The following ALK variants were observed in gnomAD, a reference collection of about 807,000 sequenced individuals.
The protein encoded by ALK is ALK receptor tyrosine kinase.
ALK carries 74 observed loss-of-function variants against 163.1 expected under a neutral mutation model. The observed-to-expected ratio is 0.45, with a 90% confidence interval of 0.38 to 0.55. The LOEUF (loss-of-function observed/expected upper bound fraction) is 0.55, where lower values mean the gene tolerates loss of function less well. Ranked by LOEUF, ALK falls within the 20% of genes least tolerant of loss-of-function variation. The probability of loss-of-function intolerance (pLI) is 0.00; values close to 1 mark genes in which losing one functional copy is unlikely to be tolerated. For missense variants in ALK, 2,063 were observed against 2,105.3 expected (o/e 0.98, Z 0.39); for synonymous variants, 960 against 843.2 (o/e 1.14, Z -2.40).
At chr2:29,405,686 G>C (rs1046006830) in intron 4 of ALK, among the ~76,000 whole-genome samples, 26 of 152,188 alleles carry the variant, frequency 1.7e-4, no homozygotes, top group Non-Finnish European at 2.9e-5. Flanking sequence ...ACCACACTGG[G>C]AGAGGCAGAG....
At chr2:29,669,351 A>T (rs1677614090) in intron 3 of ALK, among the ~76,000 whole-genome samples, 1 of 151,956 alleles carries the variant, frequency 6.6e-6, no homozygotes, top group South Asian at 2.1e-4. Context: ...TTATATAGTA[A>T]GTTATTTGTC....
intron 3 of ALK, among the ~76,000 whole-genome samples, chr2:29,562,431 T>C (rs910542476): frequency 6.6e-6 from 1 of 152,228 alleles, no homozygotes; most frequent in Admixed American, 6.5e-5. Context: ...TCCAGGCCTG[T>C]AACCATCTCT....
chr2:29,745,472 G>A (rs1378709135), intron 1 of ALK, among the ~76,000 whole-genome samples: 1 of 152,172 alleles, frequency 6.6e-6, no homozygotes, highest in South Asian at 2.1e-4. Context: ...TTCCCTCCCA[G>A]TTGCTGGCAA....
chr2:29,909,733 T>C (rs149658469), intron 1 of ALK, among the ~76,000 whole-genome samples: 5 of 152,284 alleles, frequency 3.3e-5, no homozygotes, highest in African/African-American at 9.6e-5. Flanking sequence ...AGAGACCTCA[T>C]TGAATACCTT....
intron 1 of ALK, among the ~76,000 whole-genome samples, chr2:29,897,449 A>G (rs1235364402): frequency 1.3e-5 from 2 of 152,224 alleles, no homozygotes; most frequent in Admixed American, 1.3e-4. Flanking sequence ...TTTAAAAACA[A>G]TTGTAAAGAG....
intron 4 of ALK, among the ~76,000 whole-genome samples, chr2:29,401,944 C>T (rs908641302): frequency 1.3e-5 from 2 of 152,178 alleles, no homozygotes; most frequent in South Asian, 2.1e-4. Context: ...GATTTTAATA[C>T]TAAGAAGTAG....
rs528481486 is a variant in ALK at position 29,422,105 on chromosome 2, T to G, written c.1155-38246A>C. Among the ~76,000 whole-genome samples, 5 of 151,586 alleles carry G rather than the reference T, an allele frequency of 3.3e-5. No individual in the cohort carries two copies. In the South Asian group the frequency reaches 1.0e-3, roughly 31 times the overall value. On this transcript the variant is annotated intron_variant, in intron 4 of 28. Transcript: ENST00000389048. ...GAGGGGAGGCAAAGGAATCAGAGTC[T>G]GAAGACCAAAGCCAGGTAGTCTTTT...
chr2:29,295,053 C>T (rs767132374), intron 9 of ALK, among the ~76,000 whole-genome samples: 2 of 152,138 alleles, frequency 1.3e-5, no homozygotes, highest in African/African-American at 2.4e-5. Flanking sequence ...AGGCTCCCAG[C>T]GAATGGAAGC....
chr2:29,422,568 T>C (rs1670040461), intron 4 of ALK, among the ~76,000 whole-genome samples: 1 of 152,254 alleles, frequency 6.6e-6, no homozygotes, highest in East Asian at 1.9e-4. Flanking sequence ...TCTGACTCTC[T>C]ATTTTCTGTC....
At chr2:29,652,245 C>G (rs992782284) in intron 3 of ALK, among the ~76,000 whole-genome samples, 1 of 151,952 alleles carries the variant, frequency 6.6e-6, no homozygotes, top group African/African-American at 2.4e-5. Context: ...TCATAACTCC[C>G]CAGGCATTAT....
chr2:29,200,298 G>C (rs1669124954), intron 26 of ALK, among the ~76,000 whole-genome samples: 1 of 152,154 alleles, frequency 6.6e-6, no homozygotes, highest in African/African-American at 2.4e-5. Context: ...TTTCTAGATA[G>C]ATATAGGTTA....
intron 2 of ALK, among the ~76,000 whole-genome samples, chr2:29,701,673 A>G (rs891783569): frequency 6.6e-6 from 1 of 152,130 alleles, no homozygotes; most frequent in Non-Finnish European, 1.5e-5. Context: ...ACTTCTGTGA[A>G]GGCGTGTGGG....
chr2:29,499,000 C>A (rs919046613), intron 4 of ALK, among the ~76,000 whole-genome samples: 2 of 152,158 alleles, frequency 1.3e-5, no homozygotes, highest in African/African-American at 4.8e-5. Flanking sequence ...AACTTCTCCT[C>A]CCCATCAAAA....
At chr2:29,528,259 CCTT>C (rs1204167080) in intron 4 of ALK, among the ~76,000 whole-genome samples, 15 of 152,134 alleles carry the variant, frequency 9.9e-5, no homozygotes, top group African/African-American at 3.6e-4. Flanking sequence ...CACGAGGTGG[CCTT>C]CTGGGTAGGA....
chr2:29,727,258 A>G (rs1449095362), intron 1 of ALK, among the ~76,000 whole-genome samples: 2 of 152,182 alleles, frequency 1.3e-5, no homozygotes, highest in Non-Finnish European at 2.9e-5. Flanking sequence ...GGGGAAGAAG[A>G]GGGACAAAAC....
At chr2:29,830,608 C>T (rs1053438887) in intron 1 of ALK, among the ~76,000 whole-genome samples, 29 of 150,178 alleles carry the variant, frequency 1.9e-4, no homozygotes, top group African/African-American at 6.6e-4. Flanking sequence ...GTGGCTCGTA[C>T]CTGTAATCCC....
At chr2:29,357,384 C>A (rs1668277172) in intron 5 of ALK, among the ~76,000 whole-genome samples, 1 of 152,192 alleles carries the variant, frequency 6.6e-6, no homozygotes, top group African/African-American at 2.4e-5. Context: ...GGGCTCAGCT[C>A]ACGCTGATCT....
At position 29,377,176 on chromosome 2, in the gene ALK, G is replaced by A. The variant is rs182120990; in HGVS notation, c.1282+6556C>T. Among the ~76,000 whole-genome samples, 183 of 152,242 alleles carry A rather than the reference G, an allele frequency of 1.2e-3. 1 individual carries two copies. The highest frequency in any genetic ancestry group is 4.2e-3 in the African/African-American group (174 of 41,550). ...CATCTAGGACCAGACCATAAAAACT[G>A]GAGTTAATAGGAGAGCTGAGGCCGG... On this transcript the variant is annotated intron_variant, in intron 5 of 28. Transcript: ENST00000389048.
intron 3 of ALK, among the ~76,000 whole-genome samples, chr2:29,678,861 C>T (rs185535725): frequency 1.3e-3 from 191 of 151,642 alleles, no homozygotes; most frequent in African/African-American, 4.5e-3. Context: ...ATTATGTAGT[C>T]GTTAGGTGGA....
Sources: gnomAD v4.1 joint callset for allele counts (sites outside exome capture counted in the v4.1 genomes callset) on GRCh38, gnomAD v4.1.1 for gene constraint, MANE v1.5 for transcripts, NCBI Gene and HGNC (gene_info 2026-07-23, HGNC 2026-07-21) for gene names.